Variants in CDH11 observed in about 807,000 individuals in gnomAD.
CDH11 encodes the protein cadherin 11.
CDH11 carries 11 observed loss-of-function variants against 67.8 expected under a neutral mutation model. That is an observed-to-expected ratio of 0.16 (90% CI 0.10 to 0.27). The LOEUF (loss-of-function observed/expected upper bound fraction) is 0.27, where lower values mean the gene tolerates loss of function less well. CDH11 is among the 10% of genes least tolerant of loss of function. The probability of loss-of-function intolerance (pLI) is 1.00; values close to 1 mark genes in which losing one functional copy is unlikely to be tolerated. For missense variants in CDH11, 847 were observed against 1,031.2 expected, an observed-to-expected ratio of 0.82 and a Z score of 2.45; for synonymous variants, 419 against 400.0, an observed-to-expected ratio of 1.05 and a Z score of -0.57.
intron 2 of CDH11, among the ~76,000 whole-genome samples, chr16:65,050,933 C>T (rs2074045765): frequency 6.6e-6 from 1 of 152,088 alleles, no homozygotes; most frequent in Non-Finnish European, 1.5e-5. Flanking sequence ...GTCACTCGCA[C>T]ATCTTATTGA....
rs865860859 is a variant in CDH11, at chr16:64,994,592, C to T, written c.524-1558G>A. On this transcript the variant is annotated intron_variant, in intron 4 of 12. Coordinates refer to ENST00000268603, the MANE Select transcript of CDH11 (RefSeq NM_001797.4). ...ATAAGAGCAATCCATGACAAAGCCA[C>T]ATCCAGCATCACACTGAATGAGCAA... Among the ~76,000 whole-genome samples, 13 of 152,122 alleles carry T rather than the reference C, an allele frequency of 8.5e-5. No individual in the cohort carries two copies. In the South Asian group the frequency reaches 1.7e-3, roughly 19 times the overall value.
At chr16:65,035,247 G>C (rs1597117198) in intron 2 of CDH11, among the ~76,000 whole-genome samples, 1 of 152,202 alleles carries the variant, frequency 6.6e-6, no homozygotes, top group African/African-American at 2.4e-5. Context: ...CCAGGGCTTG[G>C]TGATCATTAT....
At chr16:65,035,838 G>C (rs1234960579) in intron 2 of CDH11, among the ~76,000 whole-genome samples, 1 of 152,164 alleles carries the variant, frequency 6.6e-6, no homozygotes, top group Admixed American at 6.5e-5. Flanking sequence ...GATGAAGGCT[G>C]CTATCTGAGA....
chr16:65,085,683 T>A (rs2074685629), intron 1 of CDH11, among the ~76,000 whole-genome samples: 1 of 152,324 alleles, frequency 6.6e-6, no homozygotes, highest in African/African-American at 2.4e-5. Context: ...TCACTACTTT[T>A]AGACACTATA....
In CDH11 at chr16:65,122,029, G is replaced by A; in HGVS notation, c.-447C>T. The A allele has an allele frequency of 1.4e-6, 1 of 693,758 alleles. No individual in the cohort carries two copies. The highest frequency in any genetic ancestry group is 1.5e-5 in the South Asian group (1 of 66,902). 43.0% of individuals were successfully genotyped at this position (693,758 alleles called of 1,614,324 possible). A position where few individuals can be genotyped will look rare whatever the true frequency, so the allele number is the denominator to read the frequency against. On this transcript the variant is annotated 5_prime_UTR_variant, in exon 1 of 13. Coordinates refer to ENST00000268603, the MANE Select transcript of CDH11 (RefSeq NM_001797.4). Reference sequence around the variant, plus strand: ...CCCCGCGGCATCTGCTCCTCGGCCCGCGACGCTCCCCTCAGCTGGCGGCGG... The same window carrying A: ...CCCCGCGGCATCTGCTCCTCGGCCCACGACGCTCCCCTCAGCTGGCGGCGG...
intron 2 of CDH11, among the ~76,000 whole-genome samples, chr16:65,051,707 G>A (rs1347817921): frequency 6.6e-6 from 1 of 152,132 alleles, no homozygotes; most frequent in Non-Finnish European, 1.5e-5. Context: ...TTGTGATACT[G>A]AGTGAGTTCT....
intron 1 of CDH11, among the ~76,000 whole-genome samples, chr16:65,097,355 C>T (rs1597190321): frequency 6.6e-6 from 1 of 152,312 alleles, no homozygotes; most frequent in South Asian, 2.1e-4. Context: ...CTTCATAAGT[C>T]TCTATAAATG....
Position 64,946,708 on chromosome 16 carries a change from T to G in CDH11, c.*895A>C. 1.1e-6 allele frequency: 1 copy of G among 930,712 alleles called. No individual in the cohort carries two copies. The highest frequency in any genetic ancestry group is 1.3e-6 in the Non-Finnish European group (1 of 767,968). The allele number at this position is 930,712 out of a possible 1,614,324, so 57.7% of individuals were successfully genotyped here. On this transcript the variant is annotated 3_prime_UTR_variant, in exon 13 of 13. Transcript: ENST00000268603. Reference sequence around the variant, plus strand: ...AAATAGGGTTATTAAAAGATCACAATTAAATTAGAAATATAAATGGATCAT... The same window carrying G: ...AAATAGGGTTATTAAAAGATCACAAGTAAATTAGAAATATAAATGGATCAT...
chr16:65,020,777 AACAC>A (rs1370799931), intron 2 of CDH11, among the ~76,000 whole-genome samples: 1 of 152,200 alleles, frequency 6.6e-6, no homozygotes, highest in East Asian at 1.9e-4. Flanking sequence ...TTCTATAAAT[AACAC>A]ACACAACAAA....
chr16:64,950,461 C>T (rs897042086), intron 12 of CDH11, among the ~76,000 whole-genome samples: 2 of 152,116 alleles, frequency 1.3e-5, no homozygotes, highest in Non-Finnish European at 2.9e-5. Context: ...GTCCCTGAAG[C>T]CCCCTAGTGG....
At chr16:65,051,269 A>T (rs1255921182) in intron 2 of CDH11, among the ~76,000 whole-genome samples, 1 of 152,216 alleles carries the variant, frequency 6.6e-6, no homozygotes, top group Non-Finnish European at 1.5e-5. Flanking sequence ...ACAGACCCAC[A>T]TTAACACAAG....
intron 3 of CDH11, among the ~76,000 whole-genome samples, chr16:65,001,336 C>T (rs79177987): frequency 0.03 from 4,544 of 152,240 alleles, 88 homozygotes; most frequent in Middle Eastern, 0.058. Flanking sequence ...TGTTTGATGG[C>T]CTATGACGGA....
intron 2 of CDH11, among the ~76,000 whole-genome samples, chr16:65,017,938 C>T (rs1037513795): frequency 6.6e-6 from 1 of 152,172 alleles, no homozygotes; most frequent in Admixed American, 6.5e-5. Flanking sequence ...CATGGTAGAA[C>T]TGATTTGCTT....
chr16:65,015,444 G>GA (rs761304503), intron 2 of CDH11, among the ~76,000 whole-genome samples: 1,832 of 140,650 alleles, frequency 0.013, 17 homozygotes, highest in Non-Finnish European at 0.02. Context: ...AATAAAGAGT[G>GA]AAAAAAAAAA....
chr16:65,006,222 G>A (rs898374784), intron 2 of CDH11, among the ~76,000 whole-genome samples: 2 of 152,226 alleles, frequency 1.3e-5, no homozygotes, highest in Admixed American at 6.5e-5. Context: ...GGGAATCTGA[G>A]AAAGTTCTTG....
At chr16:64,951,546 G>A (rs1170721146) in intron 11 of CDH11, among the ~76,000 whole-genome samples, 1 of 151,978 alleles carries the variant, frequency 6.6e-6, no homozygotes, top group African/African-American at 2.4e-5. Context: ...TCCCTTTAAA[G>A]GCAAGCCTGT....
intron 2 of CDH11, among the ~76,000 whole-genome samples, chr16:65,023,615 C>T (rs1205150093): frequency 2.0e-5 from 3 of 152,162 alleles, no homozygotes; most frequent in Non-Finnish European, 4.4e-5. Flanking sequence ...GTTATTTCTT[C>T]ATTTTATGCT....
intron 11 of CDH11, among the ~76,000 whole-genome samples, chr16:64,956,491 C>T (rs1007113383): frequency 3.9e-5 from 6 of 152,220 alleles, no homozygotes; most frequent in Non-Finnish European, 8.8e-5. Context: ...ATTTCATATT[C>T]TTCAGTCCTG....
At chr16:65,018,784 G>A (rs2142570897) in intron 2 of CDH11, among the ~76,000 whole-genome samples, 1 of 152,150 alleles carries the variant, frequency 6.6e-6, no homozygotes, top group African/African-American at 2.4e-5. Context: ...TATTTTAATG[G>A]TACACTTTCC....
Sources: gnomAD v4.1 joint callset for allele counts (sites outside exome capture counted in the v4.1 genomes callset) on GRCh38, gnomAD v4.1.1 for gene constraint, MANE v1.5 for transcripts, NCBI Gene and HGNC (gene_info 2026-07-23, HGNC 2026-07-21) for gene names.